Variants in CDH23 observed in about 807,000 individuals in gnomAD.
CDH23 encodes cadherin-23.
In CDH23, 189 loss-of-function variants were observed where a neutral mutation model predicts 317.1. The ratio of observed to expected loss-of-function variants is 0.60; its 90% confidence interval spans 0.53 to 0.67. The LOEUF (loss-of-function observed/expected upper bound fraction) is 0.67, where lower values mean the gene tolerates loss of function less well. CDH23 is among the 30% of genes least tolerant of loss of function. The probability of loss-of-function intolerance (pLI) is 0.00; values close to 1 mark genes in which losing one functional copy is unlikely to be tolerated. For missense variants in CDH23, 4,401 were observed against 4,592.4 expected (o/e 0.96, Z 1.20); for synonymous variants, 1,839 against 1,876.8 (o/e 0.98, Z 0.52).
chr10:71,617,445 C>T (rs1023669431), intron 11 of CDH23, 52 bp downstream of exon 11: 4 of 1,589,644 alleles, frequency 2.5e-6, no homozygotes, highest in Admixed American at 1.8e-5. Context: ...TCCAGACCCA[C>T]CACCCTGCCT....
At chr10:71,467,383 A>T (rs567417087) in intron 3 of CDH23, among the ~76,000 whole-genome samples, 1 of 152,322 alleles carries the variant, frequency 6.6e-6, no homozygotes, top group Admixed American at 6.5e-5. Flanking sequence ...CTGGTTGAGC[A>T]GGTCTGAGGC....
At chr10:71,530,653 A>G (rs76703808) in intron 6 of CDH23, among the ~76,000 whole-genome samples, 1,555 of 152,274 alleles carry the variant, frequency 0.01, 52 homozygotes, top group African/African-American at 0.035. Flanking sequence ...CTCATCTCAC[A>G]TGTCCCCAAC....
intron 6 of CDH23, among the ~76,000 whole-genome samples, chr10:71,515,570 A>G (rs960483784): frequency 2.6e-5 from 4 of 151,934 alleles, no homozygotes; most frequent in Admixed American, 1.3e-4. Flanking sequence ...TTGAACAGCT[A>G]CTGAGCAGGG....
intron 18 of CDH23, 27 bp from the exon 19 acceptor site, chr10:71,687,620 C>G (rs1488427214): frequency 6.2e-7 from 1 of 1,612,000 alleles, no homozygotes; most frequent in African/African-American, 1.3e-5. Context: ...CCTGCAGCCT[C>G]CTGCAACCTG....
In CDH23 at chr10:71,751,390, G is replaced by A; in HGVS notation, c.4845+9469G>A. 3 of 610,554 alleles carry A rather than the reference G, an allele frequency of 4.9e-6. No individual in the cohort carries two copies. The South Asian group carries it at 6.1e-5, about 12-fold the overall frequency. The allele number at this position is 610,554 out of a possible 1,614,324, so 37.8% of individuals were successfully genotyped here. On this transcript the variant is annotated intron_variant, in intron 38 of 69. Coordinates refer to ENST00000224721, the MANE Select transcript of CDH23 (RefSeq NM_022124.6). The surrounding 1 kb of genome is among the most constrained non-coding windows in gnomAD (Gnocchi z 4.9). Reference sequence around the variant, plus strand: ...GAACTCTTCAGGGAGGTGAATGGGGGCCCCTCTGTCCCTCACCCTCAACCC... The same window carrying A: ...GAACTCTTCAGGGAGGTGAATGGGGACCCCTCTGTCCCTCACCCTCAACCC...
chr10:71,610,913 C>G (rs916838805), intron 9 of CDH23, among the ~76,000 whole-genome samples: 11 of 152,064 alleles, frequency 7.2e-5, no homozygotes, highest in Admixed American at 5.2e-4. Context: ...GGTAAAAGTG[C>G]AGCCACCACC....
intron 9 of CDH23, among the ~76,000 whole-genome samples, chr10:71,611,170 G>A (rs1860865476): frequency 6.6e-6 from 1 of 152,086 alleles, no homozygotes; most frequent in South Asian, 2.1e-4. Flanking sequence ...TGCATGTGTG[G>A]CTGCCAAGCC....
intron 39 of CDH23, 37 bp downstream of exon 39, chr10:71,777,938 A>G: frequency 6.2e-7 from 1 of 1,607,298 alleles, no homozygotes; most frequent in Non-Finnish European, 8.5e-7. Flanking sequence ...CAAGGGGCGA[A>G]ACCTATCCAG....
Position 71,804,598 on chromosome 10 carries a change from C to T in CDH23, c.7872+1178C>T, listed in dbSNP as rs568678207. On this transcript the variant is annotated intron_variant, in intron 55 of 69. Coordinates refer to ENST00000224721, the MANE Select transcript of CDH23 (RefSeq NM_022124.6). Reference sequence around the variant, plus strand: ...GGCTAAGCTCAAAGAAGCGTTGTGCCTTTACCAGGTGCTTTGCTTTTTTAC... The same window carrying T: ...GGCTAAGCTCAAAGAAGCGTTGTGCTTTTACCAGGTGCTTTGCTTTTTTAC... Among the ~76,000 whole-genome samples the T allele has an allele frequency of 1.2e-4, 18 of 152,316 alleles. No homozygotes were observed. In the East Asian group the frequency reaches 3.5e-3, roughly 29 times the overall value.
At chr10:71,554,260 C>T (rs900784851) in intron 6 of CDH23, among the ~76,000 whole-genome samples, 1 of 152,152 alleles carries the variant, frequency 6.6e-6, no homozygotes. Flanking sequence ...TGCAGCAGTG[C>T]AGTCACAGCT....
chr10:71,697,679 A>G (rs1246258575), intron 22 of CDH23, among the ~76,000 whole-genome samples: 1 of 152,006 alleles, frequency 6.6e-6, no homozygotes, highest in Admixed American at 6.5e-5. Flanking sequence ...CTCAAAAAAA[A>G]AAAGGAAGCT....
chr10:71,565,235 A>G (rs138520223), intron 6 of CDH23, among the ~76,000 whole-genome samples: 1 of 152,258 alleles, frequency 6.6e-6, no homozygotes, highest in East Asian at 1.9e-4. Flanking sequence ...AGGGATGCTA[A>G]GGTACCCAGG....
At chr10:71,612,383 GT>G in intron 9 of CDH23, among the ~76,000 whole-genome samples, 1 of 152,038 alleles carries the variant, frequency 6.6e-6, no homozygotes, top group South Asian at 2.1e-4. Flanking sequence ...CGGGTTTGGA[GT>G]GGGCAGTGTG....
intron 25 of CDH23, 32 bp downstream of exon 25, chr10:71,705,162 T>C: frequency 6.4e-7 from 1 of 1,571,386 alleles, no homozygotes; most frequent in Non-Finnish European, 8.7e-7. Context: ...TGCTGTGTGC[T>C]CAGTGTGTGG....
intron 41 of CDH23, among the ~76,000 whole-genome samples, chr10:71,783,683 C>A (rs1351863018): frequency 2.0e-5 from 3 of 152,230 alleles, no homozygotes; most frequent in African/African-American, 7.2e-5. Flanking sequence ...AGGGTCACCA[C>A]AGGTGTAGGG....
intron 14 of CDH23, among the ~76,000 whole-genome samples, chr10:71,649,448 G>T (rs1240069263): frequency 6.6e-6 from 1 of 152,222 alleles, no homozygotes; most frequent in Non-Finnish European, 1.5e-5. Flanking sequence ...TTCAGTGGCT[G>T]GTCACCTGTC....
chr10:71,732,253 C>T lies in CDH23; in HGVS notation c.3982C>T (p.Leu1328=). ...GGCTGCCATCCTGGAGAATCTGGCA[C>T]TGGGTACTGAGATTGTGCGGGTCCA... ...YEAAILENLA[L]GTEIVRVQAY... Residue 1328 remains leucine (L), a synonymous_variant, in exon 32 of 70, where the codon CTG becomes TTG. Coordinates refer to ENST00000224721, the MANE Select transcript of CDH23 (RefSeq NM_022124.6). 1.2e-6 allele frequency: 2 copies of T among 1,613,764 alleles called. No individual in the cohort carries two copies. The highest frequency in any genetic ancestry group is 1.7e-6 in the Non-Finnish European group (2 of 1,179,758).
At chr10:71,584,281 G>A (rs1310969335) in intron 9 of CDH23, among the ~76,000 whole-genome samples, 1 of 150,854 alleles carries the variant, frequency 6.6e-6, no homozygotes, top group Non-Finnish European at 1.5e-5. Context: ...TGAGTGGGGT[G>A]GGTGATGATG....
chr10:71,448,000 T>C (rs1850252897), intron 3 of CDH23, among the ~76,000 whole-genome samples: 2 of 152,144 alleles, frequency 1.3e-5, no homozygotes, highest in African/African-American at 2.4e-5. Context: ...GGAGATCCCT[T>C]TGTGGTGGAG....
Sources: gnomAD v4.1 joint callset for allele counts (sites outside exome capture counted in the v4.1 genomes callset) on GRCh38, gnomAD v4.1.1 for gene constraint, Gnocchi (gnomAD v3.1) non-coding constraint, MANE v1.5 for transcripts, NCBI Gene and HGNC (gene_info 2026-07-23, HGNC 2026-07-21) for gene names.